DTNBP1: variants seen among roughly 807,000 people sequenced by gnomAD.
DTNBP1 encodes the protein dystrobrevin binding protein 1, also known as dysbindin.
A neutral mutation model predicts 42.8 loss-of-function variants in DTNBP1; 35 were observed. That is an observed-to-expected ratio of 0.82 (90% CI 0.63 to 1.09). The LOEUF is 1.09. DTNBP1 is among the 50% of genes least tolerant of loss of function. The pLI is 0.00. For missense variants in DTNBP1, 457 were observed against 424.2 expected, an observed-to-expected ratio of 1.08 and a Z score of -0.68; for synonymous variants, 171 against 162.2, an observed-to-expected ratio of 1.05 and a Z score of -0.41.
intron 4 of DTNBP1, among the ~76,000 whole-genome samples, chr6:15,635,505 A>T (rs1224066215): frequency 6.6e-6 from 1 of 152,090 alleles, no homozygotes; most frequent in Non-Finnish European, 1.5e-5. Flanking sequence ...GGATTTACAT[A>T]TCTCATTTAT....
chr6:15,578,771 A>C (rs773753027), intron 7 of DTNBP1, among the ~76,000 whole-genome samples: 5 of 152,212 alleles, frequency 3.3e-5, no homozygotes, highest in Non-Finnish European at 7.3e-5. Context: ...AAAAATATTC[A>C]TTTGATGCCC....
intron 7 of DTNBP1, among the ~76,000 whole-genome samples, chr6:15,567,165 G>A (rs1006169669): frequency 3.4e-4 from 51 of 151,946 alleles, no homozygotes; most frequent in East Asian, 5.8e-4. Flanking sequence ...AGAATCTTAG[G>A]CTGAGTGGGC....
intron 7 of DTNBP1, among the ~76,000 whole-genome samples, chr6:15,544,273 G>C (rs1361262706): frequency 6.6e-6 from 1 of 152,174 alleles, no homozygotes; most frequent in African/African-American, 2.4e-5. Flanking sequence ...TTATTGAGTA[G>C]AATTTTATGG....
intron 8 of DTNBP1, among the ~76,000 whole-genome samples, chr6:15,532,972 TA>T (rs1772966599): frequency 6.6e-6 from 1 of 152,048 alleles, no homozygotes; most frequent in Non-Finnish European, 1.5e-5. Context: ...GTGCTGGGAT[TA>T]CAGGCGTGAG....
chr6:15,635,942 G>A (rs1759987893), intron 4 of DTNBP1, among the ~76,000 whole-genome samples: 2 of 152,106 alleles, frequency 1.3e-5, no homozygotes. Context: ...ATATTCAATA[G>A]TGCAGTATCT....
At chr6:15,642,547 T>A (rs1760435633) in intron 3 of DTNBP1, among the ~76,000 whole-genome samples, 1 of 152,114 alleles carries the variant, frequency 6.6e-6, no homozygotes, top group Admixed American at 6.5e-5. Flanking sequence ...AATAAAAATC[T>A]GCTAAAAAAG....
Position 15,601,544 on chromosome 6 carries a change from G to A in DTNBP1, c.489-8463C>T, listed in dbSNP as rs558312338. On this transcript the variant is annotated intron_variant, in intron 6 of 9. Transcript: ENST00000344537. ...CTATTTTCTCTGCCTCAAAAGTAACGTGTTATTTTATATGACAATAATGCA... is the reference window on the plus strand; with the variant it reads ...CTATTTTCTCTGCCTCAAAAGTAACATGTTATTTTATATGACAATAATGCA... Among the ~76,000 whole-genome samples, 12 of 152,174 alleles carry A rather than the reference G, an allele frequency of 7.9e-5. No individual in the cohort carries two copies. In the East Asian group the frequency reaches 1.7e-3, roughly 22 times the overall value.
At chr6:15,609,881 C>T (rs1758297189) in intron 6 of DTNBP1, among the ~76,000 whole-genome samples, 1 of 152,202 alleles carries the variant, frequency 6.6e-6, no homozygotes, top group African/African-American at 2.4e-5. Context: ...CCTAAATATC[C>T]ATATCTGCAG....
chr6:15,532,333 C>T (rs1772901787), intron 8 of DTNBP1, among the ~76,000 whole-genome samples: 1 of 152,214 alleles, frequency 6.6e-6, no homozygotes, highest in South Asian at 2.1e-4. Context: ...TTCTAATCAG[C>T]TTGTTCCTTA....
chr6:15,529,535 C>T (rs1772662446), intron 8 of DTNBP1, among the ~76,000 whole-genome samples: 1 of 152,216 alleles, frequency 6.6e-6, no homozygotes, highest in Admixed American at 6.5e-5. Context: ...TCGTTCTCTT[C>T]CCAGGGCACT....
At chr6:15,551,969 G>T (rs1487099180) in intron 7 of DTNBP1, among the ~76,000 whole-genome samples, 2 of 152,192 alleles carry the variant, frequency 1.3e-5, no homozygotes, top group African/African-American at 4.8e-5. Flanking sequence ...CACAGCTCAG[G>T]AAACAGCAGC....
At chr6:15,600,849 T>C (rs1359113814) in intron 6 of DTNBP1, among the ~76,000 whole-genome samples, 1 of 152,204 alleles carries the variant, frequency 6.6e-6, no homozygotes, top group Non-Finnish European at 1.5e-5. Context: ...CATGGTGCTG[T>C]TGAGAAGTCC....
chr6:15,561,026 T>C (rs2205852), intron 7 of DTNBP1, among the ~76,000 whole-genome samples: 19,319 of 152,232 alleles, frequency 0.13, 1,559 homozygotes, highest in African/African-American at 0.23. Context: ...TTAGTAAAAA[T>C]GGGAGACTGG....
Position 15,662,930 on chromosome 6 carries a change from TG to T in DTNBP1, c.-62del. 1 of 1,595,032 alleles carries T rather than the reference TG, an allele frequency of 6.3e-7. No individual in the cohort carries two copies. On this transcript the variant is annotated 5_prime_UTR_variant, in exon 1 of 10. Coordinates refer to ENST00000344537, the MANE Select transcript of DTNBP1 (RefSeq NM_032122.5). Reference sequence around the variant, plus strand: ...GGCTGCTGCTGCCTCTGTCGCCCCCTGGGTCCCACGCCGCCAACCCCGCGCT... The same window carrying T: ...GGCTGCTGCTGCCTCTGTCGCCCCCTGGTCCCACGCCGCCAACCCCGCGCT...
At chr6:15,592,770 G>T (rs542859087) in intron 7 of DTNBP1, among the ~76,000 whole-genome samples, 1 of 152,234 alleles carries the variant, frequency 6.6e-6, no homozygotes, top group African/African-American at 2.4e-5. Context: ...CTGTACAAGA[G>T]AAACCAGAAT....
chr6:15,533,694 C>T (rs748466567), intron 7 of DTNBP1: 22 of 540,988 alleles, frequency 4.1e-5, no homozygotes, highest in Non-Finnish European at 7.1e-5. Context: ...AACAGCTGTT[C>T]ACCTTCCAAG....
rs570624648 is a variant in DTNBP1, at chr6:15,556,066, A to C, written c.512-22671T>G. 3.3e-5 allele frequency among the ~76,000 whole-genome samples: 5 copies of C among 152,308 alleles called. No individual in the cohort carries two copies. The South Asian group carries it at 1.0e-3, about 32-fold the overall frequency. On this transcript the variant is annotated intron_variant, in intron 7 of 9. Transcript: ENST00000344537. ...AATTGGGTTAGAGGCCCAACTTAGC[A>C]GGGTTAGAATCCCTCCTAAGAAACA... is the stretch of plus-strand genomic sequence containing the variant.
chr6:15,628,487 C>T (rs536923564), intron 4 of DTNBP1, among the ~76,000 whole-genome samples: 263 of 142,058 alleles, frequency 1.9e-3, no homozygotes, highest in Non-Finnish European at 3.3e-3. Flanking sequence ...CTCACTGCAA[C>T]CTCCGCCTCC....
At chr6:15,659,830 G>T (rs1328984732) in intron 1 of DTNBP1, among the ~76,000 whole-genome samples, 1 of 151,956 alleles carries the variant, frequency 6.6e-6, no homozygotes, top group East Asian at 1.9e-4. Flanking sequence ...GGGATTACAG[G>T]TGTGAGCCAC....
Sources: allele counts gnomAD v4.1 joint callset (sites outside exome capture counted in the v4.1 genomes callset), GRCh38; gene constraint gnomAD v4.1.1; transcripts MANE v1.5; gene names NCBI Gene and HGNC (gene_info 2026-07-23, HGNC 2026-07-21).